Variants in COL5A2 observed in about 807,000 individuals in gnomAD.
COL5A2 encodes collagen type V alpha 2 chain, also known as collagen alpha-2(V) chain.
A neutral mutation model predicts 208.2 loss-of-function variants in COL5A2; 23 were observed. The observed-to-expected ratio is 0.11, with a 90% CI of 0.08 to 0.16. The LOEUF (loss-of-function observed/expected upper bound fraction) is 0.16, where lower values mean the gene tolerates loss of function less well. Among genes scored for constraint, COL5A2 ranks in the 10% least tolerant of loss-of-function variants. The probability of loss-of-function intolerance (pLI) is 1.00; values close to 1 mark genes in which losing one functional copy is unlikely to be tolerated. For missense variants in COL5A2, 1,590 were observed against 1,956.4 expected (o/e 0.81, Z 3.53); for synonymous variants, 625 against 628.5 (o/e 0.99, Z 0.08).
intron 1 of COL5A2, among the ~76,000 whole-genome samples, chr2:189,123,610 G>A (rs1012653390): frequency 2.0e-5 from 3 of 152,132 alleles, no homozygotes; most frequent in African/African-American, 4.8e-5. Flanking sequence ...TAACACAGGT[G>A]TATGGTCTAG....
In COL5A2 at chr2:189,053,913, A is replaced by T. The variant is rs749675749; in HGVS notation, c.2481T>A (p.Pro827=). ...CACTTACAGGATTGCCCCGGGAGCC[A>T]GGAGGGCCAACTAAACCTCGAGGAC... The part of the protein sequence containing the change: ...EPGPRGLVGP[P]GSRGNPGSRG... The change falls in exon 37 of 54, where the codon CCT becomes CCA. Residue 827 remains proline, a synonymous_variant. Transcript: ENST00000374866. 6.2e-7 allele frequency: 1 copy of T among 1,614,096 alleles called. No individual in the cohort carries two copies.
the COL5A2 span, among the ~76,000 whole-genome samples, chr2:189,434,879 A>T: frequency 3.3e-5 from 5 of 152,228 alleles, no homozygotes; most frequent in Admixed American, 6.5e-5. Flanking sequence ...GACAATCCTA[A>T]GCCAAAAGAA....
chr2:189,098,035 T>TCCGC (rs1686956943), intron 5 of COL5A2, among the ~76,000 whole-genome samples: 2 of 150,962 alleles, frequency 1.3e-5, no homozygotes, highest in Non-Finnish European at 2.9e-5. Flanking sequence ...AAAATGTTTT[T>TCCGC]CCCCCCCTGG....
intron 1 of COL5A2, among the ~76,000 whole-genome samples, chr2:189,117,667 C>T (rs1687419632): frequency 1.3e-5 from 2 of 151,962 alleles, no homozygotes; most frequent in African/African-American, 4.8e-5. Flanking sequence ...GTCACCTTAC[C>T]AAAAAAATTG....
chr2:189,083,258 G>A (rs1686576995), intron 12 of COL5A2, among the ~76,000 whole-genome samples: 1 of 152,238 alleles, frequency 6.6e-6, no homozygotes, highest in South Asian at 2.1e-4. Flanking sequence ...TTCTAGAAGA[G>A]GGCCTAGCAA....
chr2:189,304,324 T>C, the COL5A2 span, among the ~76,000 whole-genome samples: 1 of 152,210 alleles, frequency 6.6e-6, no homozygotes, highest in Non-Finnish European at 1.5e-5. Context: ...CAGCACAATA[T>C]TCATTAGTAA....
chr2:189,036,882 G>T, intron 51 of COL5A2, 79 bp from the exon 52 acceptor site: 1 of 1,170,138 alleles, frequency 8.5e-7, no homozygotes, highest in Non-Finnish European at 1.2e-6. Flanking sequence ...ATTAACAGAG[G>T]GTTTGAAAAT....
chr2:189,136,271 C>T (rs1687824212), intron 1 of COL5A2, among the ~76,000 whole-genome samples: 1 of 151,972 alleles, frequency 6.6e-6, no homozygotes, highest in African/African-American at 2.4e-5. Context: ...AGCTAATCAG[C>T]ATCTTCTAAT....
the COL5A2 span, among the ~76,000 whole-genome samples, chr2:189,359,032 C>A: frequency 1.3e-5 from 2 of 152,098 alleles, no homozygotes; most frequent in East Asian, 3.8e-4. Context: ...GACTATTTAA[C>A]TTCTCCTTTC....
the COL5A2 span, among the ~76,000 whole-genome samples, chr2:189,281,736 T>C: frequency 6.6e-6 from 1 of 152,198 alleles, no homozygotes; most frequent in Non-Finnish European, 1.5e-5. Flanking sequence ...GATATAGCAA[T>C]GTACAAAACA....
At chr2:189,164,667 A>G (rs1688433334) in intron 1 of COL5A2, among the ~76,000 whole-genome samples, 1 of 152,198 alleles carries the variant, frequency 6.6e-6, no homozygotes, top group Non-Finnish European at 1.5e-5. Flanking sequence ...ACCTTTATGT[A>G]ATATAATATA....
intron 1 of COL5A2, among the ~76,000 whole-genome samples, chr2:189,132,517 G>T (rs757947345): frequency 1.3e-5 from 2 of 152,108 alleles, no homozygotes; most frequent in Non-Finnish European, 2.9e-5. Context: ...TGGAAAAGAA[G>T]AATAGTATTG....
chr2:189,047,087 A>G (rs1320889219), intron 45 of COL5A2, among the ~76,000 whole-genome samples: 1 of 149,942 alleles, frequency 6.7e-6, no homozygotes, highest in Non-Finnish European at 1.5e-5. Context: ...GTGTCACTGC[A>G]CTCCAGCCTG....
the COL5A2 span, among the ~76,000 whole-genome samples, chr2:189,357,303 GGACGTTTAA>G: frequency 1.3e-5 from 2 of 152,106 alleles, no homozygotes; most frequent in African/African-American, 4.8e-5. Context: ...CGTCAGGCAG[GGACGTTTAA>G]GTCTGCTGAA....
the COL5A2 span, among the ~76,000 whole-genome samples, chr2:189,234,354 T>C: frequency 6.6e-6 from 1 of 151,816 alleles, no homozygotes; most frequent in Non-Finnish European, 1.5e-5. Context: ...TTTCTATGTT[T>C]ACATAAACTC....
intron 35 of COL5A2, among the ~76,000 whole-genome samples, chr2:189,054,420 C>T (rs1296342464): frequency 6.6e-6 from 1 of 152,144 alleles, no homozygotes; most frequent in African/African-American, 2.4e-5. Context: ...TTTCTCCACA[C>T]AGTGTTTTAA....
chr2:189,055,177 C>T (rs1168762746), intron 35 of COL5A2, among the ~76,000 whole-genome samples: 2 of 152,176 alleles, frequency 1.3e-5, no homozygotes, highest in Non-Finnish European at 2.9e-5. Flanking sequence ...GCCATCGCGC[C>T]CAGCCAGTTT....
chr2:189,206,741 G>A (rs764277784), intron 1 of COL5A2, among the ~76,000 whole-genome samples: 17 of 151,452 alleles, frequency 1.1e-4, no homozygotes, highest in African/African-American at 1.9e-4. Context: ...TGGGGGACAC[G>A]GGGAAGGCAT....
At chr2:189,411,602 A>T in the COL5A2 span, among the ~76,000 whole-genome samples, 1 of 152,178 alleles carries the variant, frequency 6.6e-6, no homozygotes, top group Non-Finnish European at 1.5e-5. Flanking sequence ...TCAATATAGC[A>T]TTTTAATATT....
Sources: gnomAD v4.1 joint callset for allele counts (sites outside exome capture counted in the v4.1 genomes callset) on GRCh38, gnomAD v4.1.1 for gene constraint, MANE v1.5 for transcripts, NCBI Gene and HGNC (gene_info 2026-07-23, HGNC 2026-07-21) for gene names.